Variants in NCAM2 observed in about 807,000 individuals in gnomAD.
NCAM2 encodes neural cell adhesion molecule 2, also known as N-CAM-2.
Under a neutral mutation model 98.1 loss-of-function variants are expected in NCAM2, and 30 were observed. The ratio of observed to expected loss-of-function variants is 0.31; its 90% CI spans 0.23 to 0.41. The LOEUF (loss-of-function observed/expected upper bound fraction) is 0.41, where lower values mean the gene tolerates loss of function less well. Ranked by LOEUF, NCAM2 falls within the 10% of genes least tolerant of loss-of-function variation. The probability of loss-of-function intolerance (pLI) is 1.00; values close to 1 mark genes in which losing one functional copy is unlikely to be tolerated. For synonymous variants in NCAM2, 368 were observed against 342.4 expected (o/e 1.07, Z -0.83); for missense variants, 867 against 1,005.8 (o/e 0.86, Z 1.87).
At chr21:21,008,562 AG>A (rs1237045133) in intron 1 of NCAM2, among the ~76,000 whole-genome samples, 1 of 152,154 alleles carries the variant, frequency 6.6e-6, no homozygotes, top group Non-Finnish European at 1.5e-5. Flanking sequence ...AAAAAATGGT[AG>A]GGCCAGACTT....
rs1315051325 is a variant in NCAM2 at position 21,540,287 on chromosome 21, A to G, written c.*2330A>G. On this transcript the variant is annotated 3_prime_UTR_variant, in exon 18 of 18. Transcript: ENST00000400546. The stretch of plus-strand genomic sequence containing the variant: ...TATACACATATATATATATACACAT[A>G]TATATACATATATATATATGATGTT... 3 of 109,458 alleles carry G rather than the reference A, an allele frequency of 2.7e-5. No homozygotes were observed. The highest frequency in any genetic ancestry group is 5.9e-5 in the Non-Finnish European group (3 of 50,520). The allele number at this position is 109,458 out of a possible 1,614,324, so 6.8% of individuals were successfully genotyped here.
At chr21:21,032,557 A>G (rs2064707352) in intron 1 of NCAM2, among the ~76,000 whole-genome samples, 1 of 152,222 alleles carries the variant, frequency 6.6e-6, no homozygotes, top group Non-Finnish European at 1.5e-5. Context: ...AAAGAAAAAT[A>G]TGTGTTGACT....
At chr21:21,521,443 A>G (rs1288641324) in intron 16 of NCAM2, among the ~76,000 whole-genome samples, 2 of 152,232 alleles carry the variant, frequency 1.3e-5, no homozygotes, top group African/African-American at 4.8e-5. Context: ...AGGCAGCATT[A>G]GAACCAGATT....
intron 4 of NCAM2, among the ~76,000 whole-genome samples, chr21:21,291,610 A>G (rs1456762142): frequency 6.6e-6 from 1 of 151,942 alleles, no homozygotes; most frequent in Non-Finnish European, 1.5e-5. Flanking sequence ...TCTTTTTTAT[A>G]TCCTTTATAT....
intron 15 of NCAM2, among the ~76,000 whole-genome samples, chr21:21,495,015 A>G (rs1171944230): frequency 6.6e-6 from 1 of 151,838 alleles, no homozygotes; most frequent in Non-Finnish European, 1.5e-5. Context: ...ATTTCTATAC[A>G]AGCATAATAA....
chr21:21,240,828 T>C (rs2071036717), intron 1 of NCAM2, among the ~76,000 whole-genome samples: 1 of 152,158 alleles, frequency 6.6e-6, no homozygotes, highest in African/African-American at 2.4e-5. Flanking sequence ...AATTCTCCTC[T>C]GAAAACAATG....
chr21:21,527,425 C>T (rs145954340), intron 16 of NCAM2, among the ~76,000 whole-genome samples: 79 of 152,068 alleles, frequency 5.2e-4, no homozygotes, highest in Admixed American at 1.8e-3. Context: ...AGACGAATCA[C>T]GGAATGGGAG....
intron 1 of NCAM2, among the ~76,000 whole-genome samples, chr21:21,267,204 A>G (rs567606198): frequency 1.2e-4 from 19 of 152,258 alleles, no homozygotes; most frequent in African/African-American, 4.1e-4. Context: ...AGCACTTTTG[A>G]TACTATTACA....
At chr21:21,503,210 A>T (rs1987748512) in intron 15 of NCAM2, among the ~76,000 whole-genome samples, 1 of 151,972 alleles carries the variant, frequency 6.6e-6, no homozygotes, top group Admixed American at 6.6e-5. Flanking sequence ...TCCTCTACGT[A>T]CATACCTATG....
chr21:21,017,073 G>A (rs1432649391), intron 1 of NCAM2, among the ~76,000 whole-genome samples: 1 of 152,154 alleles, frequency 6.6e-6, no homozygotes, highest in Non-Finnish European at 1.5e-5. Context: ...ACATTTTCAA[G>A]TGTAAGGAGG....
chr21:21,490,245 T>C (rs1366778657), intron 15 of NCAM2, among the ~76,000 whole-genome samples: 1 of 146,414 alleles, frequency 6.8e-6, no homozygotes, highest in Non-Finnish European at 1.5e-5. Context: ...ATCCAAGAAA[T>C]GTAAAAAATA....
chr21:21,228,287 T>G (rs2070471234), intron 1 of NCAM2, among the ~76,000 whole-genome samples: 1 of 151,486 alleles, frequency 6.6e-6, no homozygotes, highest in South Asian at 2.1e-4. Context: ...TTAATGGAAA[T>G]AGAAAGTCAT....
rs2146447429 is a variant in NCAM2 at position 21,541,376 on chromosome 21, C to T, written c.*3419C>T. ...AACTATTTTACCTTGAATATAAAATCTAAATATAATAAACTATACTGTATA... is the reference window on the plus strand; with the variant it reads ...AACTATTTTACCTTGAATATAAAATTTAAATATAATAAACTATACTGTATA... On this transcript the variant is annotated 3_prime_UTR_variant, in exon 18 of 18. Coordinates refer to ENST00000400546, the MANE Select transcript of NCAM2 (RefSeq NM_004540.5). 1 of 151,168 alleles carries T rather than the reference C, an allele frequency of 6.6e-6. No individual in the cohort carries two copies. The highest frequency in any genetic ancestry group is 2.4e-5 in the African/African-American group (1 of 41,438). 9.4% of individuals were successfully genotyped at this position (151,168 alleles called of 1,614,324 possible). A position where few individuals can be genotyped will look rare whatever the true frequency, so the allele number is the denominator to read the frequency against.
At chr21:21,515,449 C>T (rs2826872) in intron 16 of NCAM2, among the ~76,000 whole-genome samples, 50,353 of 152,046 alleles carry the variant, frequency 0.33, 9,748 homozygotes, top group East Asian at 0.61. Context: ...TCTTAAAATA[C>T]ATGTACTCAT....
intron 11 of NCAM2, among the ~76,000 whole-genome samples, chr21:21,430,750 T>G (rs761174359): frequency 3.9e-5 from 6 of 151,944 alleles, no homozygotes; most frequent in Non-Finnish European, 7.4e-5. Context: ...ATTATGGGAA[T>G]TAAAAATCAA....
At chr21:21,272,532 A>T (rs1417936618) in intron 1 of NCAM2, among the ~76,000 whole-genome samples, 1 of 140,096 alleles carries the variant, frequency 7.1e-6, no homozygotes, top group East Asian at 2.2e-4. Flanking sequence ...ACACACACAC[A>T]CTTCCTCAGA....
At chr21:21,236,001 T>A (rs766090) in intron 1 of NCAM2, among the ~76,000 whole-genome samples, 47,078 of 151,922 alleles carry the variant, frequency 0.31, 8,152 homozygotes, top group Non-Finnish European at 0.4. Flanking sequence ...AGTTAATGAA[T>A]GCTTGAATGA....
intron 12 of NCAM2, among the ~76,000 whole-genome samples, chr21:21,464,300 C>G (rs1983387152): frequency 6.6e-6 from 1 of 151,946 alleles, no homozygotes; most frequent in Non-Finnish European, 1.5e-5. Flanking sequence ...ACATGTTAGG[C>G]CTTAGGACAG....
At chr21:21,256,302 G>C (rs2071669704) in intron 1 of NCAM2, among the ~76,000 whole-genome samples, 1 of 152,118 alleles carries the variant, frequency 6.6e-6, no homozygotes, top group African/African-American at 2.4e-5. Flanking sequence ...GTTGCAGTGA[G>C]CCGAGATCAC....
Sources: gnomAD v4.1 joint callset for allele counts (sites outside exome capture counted in the v4.1 genomes callset) on GRCh38, gnomAD v4.1.1 for gene constraint, MANE v1.5 for transcripts, NCBI Gene and HGNC (gene_info 2026-07-23, HGNC 2026-07-21) for gene names.